NUB1: variants seen among roughly 807,000 people sequenced by gnomAD.
NUB1 encodes NEDD8 ultimate buster 1.
NUB1 carries 41 observed loss-of-function variants against 77.1 expected under a neutral mutation model. That is an observed-to-expected ratio of 0.53 (90% CI 0.41 to 0.69). The LOEUF (loss-of-function observed/expected upper bound fraction) is 0.69, where lower values mean the gene tolerates loss of function less well. Among genes scored for constraint, NUB1 ranks in the 30% least tolerant of loss-of-function variants. The pLI, the probability that NUB1 is intolerant of heterozygous loss-of-function variation, is 0.00. For synonymous variants in NUB1, 257 were observed against 281.0 expected (o/e 0.91, Z 0.85); for missense variants, 643 against 743.8 (o/e 0.86, Z 1.58).
chr7:151,349,266 A>T (rs373920433), intron 3 of NUB1, 26 bp downstream of exon 3: 2 of 1,583,382 alleles, frequency 1.3e-6, no homozygotes, highest in Non-Finnish European at 1.7e-6. Context: ...AAATTTGAGT[A>T]GGCACTAATG....
chr7:151,355,819 T>C lies in NUB1; in HGVS notation c.467T>C (p.Leu156Pro). The change falls in exon 6 of 15, where the codon CTT becomes CCT. Residue 156 changes from leucine (L) to proline (P), a missense_variant. Leu to Pro is a moderately conservative substitution (Grantham distance 98). Coordinates refer to ENST00000568733, the MANE Select transcript of NUB1 (RefSeq NM_001243351.2). ...GCTCACAATGTGAAAGCGATGGTGCTTGAACTAAAACAATCTGAAGAGGAC... is the reference window on the plus strand; with the variant it reads ...GCTCACAATGTGAAAGCGATGGTGCCTGAACTAAAACAATCTGAAGAGGAC... ...GVAHNVKAMV[L>P]ELKQSEEDAR... 17 of 1,610,168 alleles carry C rather than the reference T, an allele frequency of 1.1e-5. No homozygotes were observed. The highest frequency in any genetic ancestry group is 1.4e-5 in the Non-Finnish European group (17 of 1,178,024).
intron 1 of NUB1, 55 bp downstream of exon 1, chr7:151,341,901 C>T: frequency 1.4e-6 from 2 of 1,434,390 alleles, no homozygotes; most frequent in Non-Finnish European, 1.8e-6. Flanking sequence ...CACTGCTTGG[C>T]GCCCCGGTTC....
intron 11 of NUB1, among the ~76,000 whole-genome samples, chr7:151,370,930 T>C (rs1479737955): frequency 1.3e-5 from 2 of 152,130 alleles, no homozygotes; most frequent in South Asian, 2.1e-4. Context: ...CATAAAACAT[T>C]GTCACACTCA....
intron 2 of NUB1, among the ~76,000 whole-genome samples, chr7:151,345,980 T>C (rs1796488998): frequency 6.6e-6 from 1 of 152,238 alleles, no homozygotes; most frequent in Non-Finnish European, 1.5e-5. Context: ...TAAGTGATGT[T>C]TCTAGAAACT....
chr7:151,342,977 G>C (rs1796284471), intron 1 of NUB1, among the ~76,000 whole-genome samples: 1 of 152,114 alleles, frequency 6.6e-6, no homozygotes. Flanking sequence ...CCCGGCCTTG[G>C]ATGGCATCTC....
chr7:151,355,598 A>G (rs1419878081), intron 5 of NUB1, among the ~76,000 whole-genome samples, 170 bp from the exon 6 acceptor site: 1 of 152,222 alleles, frequency 6.6e-6, no homozygotes, highest in African/African-American at 2.4e-5. Context: ...GCTTGAGCCC[A>G]GGAGATGAAG....
At chr7:151,361,795 G>A (rs1441283012) in intron 8 of NUB1, among the ~76,000 whole-genome samples, 1 of 152,114 alleles carries the variant, frequency 6.6e-6, no homozygotes, top group Non-Finnish European at 1.5e-5. Context: ...GAGAATGAGG[G>A]CTGGTTTGTG....
chr7:151,345,548 C>T, intron 2 of NUB1, 82 bp downstream of exon 2: 2 of 786,004 alleles, frequency 2.5e-6, no homozygotes, highest in Non-Finnish European at 4.0e-6. Context: ...CAGGCATGAC[C>T]ATATAAACTT....
intron 5 of NUB1, 114 bp from the exon 6 acceptor site, chr7:151,355,654 C>A: frequency 9.6e-7 from 1 of 1,046,568 alleles, no homozygotes; most frequent in Non-Finnish European, 1.4e-6. Flanking sequence ...GCCTGGGTGA[C>A]AGAGTGAGAC....
chr7:151,355,954 C>A lies in NUB1; in HGVS notation c.598+4C>A, dbSNP rs1002319013. The A allele has an allele frequency of 1.9e-6, 3 of 1,613,408 alleles. No individual in the cohort carries two copies. The African/African-American group carries it at 4.0e-5, about 22-fold the overall frequency. On this transcript the variant is annotated splice_donor_region_variant and intron_variant, in intron 6 of 14. Coordinates refer to ENST00000568733, the MANE Select transcript of NUB1 (RefSeq NM_001243351.2). ...CTAGAAATACTGGCAAAGAGAGGTA[C>A]CCAGAGCTCTGGGCTTGTCACCCAC...
At chr7:151,363,135 A>T (rs551420909) in intron 8 of NUB1, among the ~76,000 whole-genome samples, 2 of 152,364 alleles carry the variant, frequency 1.3e-5, no homozygotes, top group African/African-American at 4.8e-5. Flanking sequence ...AAGCAAATGT[A>T]ACCTATAACA....
At position 151,371,511 on chromosome 7, in the gene NUB1, G is replaced by A. The variant is rs572551138; in HGVS notation, c.1249-2586G>A. 9.2e-5 allele frequency among the ~76,000 whole-genome samples: 14 copies of A among 152,272 alleles called. No individual in the cohort carries two copies. In the South Asian group the frequency reaches 2.5e-3, roughly 27 times the overall value. On this transcript the variant is annotated intron_variant, in intron 11 of 14. Transcript: ENST00000568733. ...TGGAGGAACGCCAAGACTGGCTCAG[G>A]CCTGTGGCAAGAGATAGAGGGTTGC...
chr7:151,374,886 G>A lies in NUB1; in HGVS notation c.1395+643G>A, dbSNP rs1048404654. On this transcript the variant is annotated intron_variant, in intron 12 of 14. Coordinates refer to ENST00000568733, the MANE Select transcript of NUB1 (RefSeq NM_001243351.2). ...GACAAACTCAGAGCACACGTGGTGAGGGGTCCCGAGGGGGTGCACAGGAGG... is the reference window on the plus strand; with the variant it reads ...GACAAACTCAGAGCACACGTGGTGAAGGGTCCCGAGGGGGTGCACAGGAGG... 3.3e-5 allele frequency among the ~76,000 whole-genome samples: 5 copies of A among 152,198 alleles called. No homozygotes were observed. In the East Asian group the frequency reaches 9.6e-4, roughly 29 times the overall value.
chr7:151,362,263 T>G (rs1327445464), intron 8 of NUB1, among the ~76,000 whole-genome samples: 2 of 152,020 alleles, frequency 1.3e-5, no homozygotes, highest in African/African-American at 4.8e-5. Flanking sequence ...TGGGCATCTA[T>G]TTATCCTGGG....
At chr7:151,358,982 G>A (rs1045799065) in intron 7 of NUB1, among the ~76,000 whole-genome samples, 14 of 151,884 alleles carry the variant, frequency 9.2e-5, no homozygotes, top group African/African-American at 2.4e-4. Flanking sequence ...GAAGAATGGC[G>A]TGAACTCGGG....
chr7:151,344,937 T>A (rs1055805984), intron 1 of NUB1, among the ~76,000 whole-genome samples: 2 of 152,082 alleles, frequency 1.3e-5, no homozygotes, highest in African/African-American at 4.8e-5. Context: ...GGGGCGGAGC[T>A]TGCAGTGAGC....
In NUB1 at chr7:151,378,162, T is replaced by C. The variant is rs1381664532; in HGVS notation, c.*937T>C. ...CGGCTCCAGCAGTAACCGTCCTCACTGCGCCACGCACTCCTCTGTAGATGT... is the reference window on the plus strand; with the variant it reads ...CGGCTCCAGCAGTAACCGTCCTCACCGCGCCACGCACTCCTCTGTAGATGT... On this transcript the variant is annotated 3_prime_UTR_variant, in exon 15 of 15. Coordinates refer to ENST00000568733, the MANE Select transcript of NUB1 (RefSeq NM_001243351.2). 6.6e-6 allele frequency: 1 copy of C among 152,192 alleles called. No homozygotes were observed. The highest frequency in any genetic ancestry group is 1.5e-5 in the Non-Finnish European group (1 of 68,036). 9.4% of individuals were successfully genotyped at this position (152,192 alleles called of 1,614,324 possible). A position where few individuals can be genotyped will look rare whatever the true frequency, so the allele number is the denominator to read the frequency against.
intron 1 of NUB1, among the ~76,000 whole-genome samples, chr7:151,342,741 G>C (rs1386074699): frequency 6.6e-6 from 1 of 152,140 alleles, no homozygotes; most frequent in Non-Finnish European, 1.5e-5. Flanking sequence ...TGGAGCTCTT[G>C]TTTGCTCCCT....
chr7:151,356,412 C>T lies in NUB1; in HGVS notation c.693+190C>T, dbSNP rs183020717. Among the ~76,000 whole-genome samples the T allele has an allele frequency of 9.5e-4, 144 of 152,292 alleles. 1 individual carries two copies. The highest frequency in any genetic ancestry group is 3.1e-3 in the African/African-American group (129 of 41,544). The stretch of plus-strand genomic sequence containing the variant: ...ATGGGCCTCACCCTGTGCTTTTCAG[C>T]GCATTAGTACAAAATGTCATGTCTC... On this transcript the variant is annotated intron_variant, in intron 7 of 14. Coordinates refer to ENST00000568733, the MANE Select transcript of NUB1 (RefSeq NM_001243351.2).
Sources: gnomAD v4.1 joint callset for allele counts (sites outside exome capture counted in the v4.1 genomes callset) on GRCh38, gnomAD v4.1.1 for gene constraint, MANE v1.5 for transcripts, NCBI Gene and HGNC (gene_info 2026-07-23, HGNC 2026-07-21) for gene names.